LRP1B: variants seen among roughly 807,000 people sequenced by gnomAD.
LRP1B encodes low-density lipoprotein receptor-related protein 1B.
In LRP1B, 217 loss-of-function variants were observed where a neutral mutation model predicts 556.6. The ratio of observed to expected loss-of-function variants is 0.39; its 90% CI spans 0.35 to 0.44. The LOEUF is 0.44. Among genes scored for constraint, LRP1B ranks in the 20% least tolerant of loss-of-function variants. The pLI is 1.00. For missense variants in LRP1B, 5,053 were observed against 5,620.8 expected (o/e 0.90, Z 3.23); for synonymous variants, 2,047 against 1,865.8 (o/e 1.10, Z -2.50).
chr2:141,580,287 C>T (rs1045915195), intron 2 of LRP1B, among the ~76,000 whole-genome samples: 1 of 152,152 alleles, frequency 6.6e-6, no homozygotes, highest in African/African-American at 2.4e-5. Flanking sequence ...TCCTGGATTA[C>T]ATGATAAAGA....
rs1685479652 is a variant in LRP1B, at chr2:141,280,722, A to T, written c.344-26081T>A. On this transcript the variant is annotated intron_variant, in intron 3 of 90. Coordinates refer to ENST00000389484, the MANE Select transcript of LRP1B (RefSeq NM_018557.3). ...ACATTCCTAAATTTTCTAAATTTTG[A>T]TAATAAACATATAGTACTTAATAAT... Among the ~76,000 whole-genome samples the T allele has an allele frequency of 2.6e-5, 4 of 152,084 alleles. No homozygotes were observed. In the South Asian group the frequency reaches 8.3e-4, roughly 32 times the overall value.
chr2:140,935,150 A>G (rs1695166187), intron 20 of LRP1B, among the ~76,000 whole-genome samples: 1 of 152,150 alleles, frequency 6.6e-6, no homozygotes, highest in Non-Finnish European at 1.5e-5. Flanking sequence ...TCAAAGACCC[A>G]TTCAAAGAAA....
intron 15 of LRP1B, among the ~76,000 whole-genome samples, chr2:141,001,563 C>G (rs115772949): frequency 0.024 from 3,663 of 152,088 alleles, 52 homozygotes; most frequent in Non-Finnish European, 0.028. Flanking sequence ...AGTGAGAACA[C>G]GTGGTGCTTG....
At chr2:140,362,802 ATACTT>A (rs1332512765) in intron 72 of LRP1B, among the ~76,000 whole-genome samples, 4 of 151,840 alleles carry the variant, frequency 2.6e-5, no homozygotes, top group African/African-American at 4.8e-5. Flanking sequence ...ACAAATTACT[ATACTT>A]TATAGTATGT....
chr2:141,182,856 T>C (rs1342949561), intron 7 of LRP1B, among the ~76,000 whole-genome samples: 3 of 151,822 alleles, frequency 2.0e-5, no homozygotes, highest in African/African-American at 7.3e-5. Context: ...AGGGGGCTGT[T>C]TATCCTTAAA....
At chr2:142,088,802 C>T (rs531702504) in intron 1 of LRP1B, among the ~76,000 whole-genome samples, 3 of 151,696 alleles carry the variant, frequency 2.0e-5, no homozygotes, top group South Asian at 4.2e-4. Flanking sequence ...AGTGAAACCC[C>T]GTCTCTACTA....
intron 53 of LRP1B, among the ~76,000 whole-genome samples, chr2:140,503,950 C>A (rs922553672): frequency 6.6e-6 from 1 of 152,036 alleles, no homozygotes; most frequent in African/African-American, 2.4e-5. Context: ...AATGGTTAAA[C>A]TAGATAGTTC....
intron 77 of LRP1B, among the ~76,000 whole-genome samples, chr2:140,342,808 G>A (rs935890493): frequency 6.6e-6 from 1 of 151,524 alleles, no homozygotes; most frequent in African/African-American, 2.4e-5. Flanking sequence ...AGATACATCA[G>A]AAACATAAAT....
At chr2:141,648,457 T>C (rs1689663524) in intron 2 of LRP1B, among the ~76,000 whole-genome samples, 1 of 152,220 alleles carries the variant, frequency 6.6e-6, no homozygotes, top group African/African-American at 2.4e-5. Flanking sequence ...TCCCCTCCTT[T>C]TCCCAGGAGA....
chr2:141,828,080 C>T (rs947008841), intron 1 of LRP1B, among the ~76,000 whole-genome samples: 1 of 152,054 alleles, frequency 6.6e-6, no homozygotes, highest in African/African-American at 2.4e-5. Flanking sequence ...CTTCATTTGA[C>T]ACTTTGAAAT....
intron 58 of LRP1B, 109 bp downstream of exon 58, chr2:140,487,508 C>A (rs566931711): frequency 1.9e-5 from 20 of 1,036,716 alleles, no homozygotes; most frequent in Non-Finnish European, 2.9e-5. Context: ...ATTGAAACCA[C>A]CCTAATGCAT....
At chr2:140,958,170 A>G (rs1412425587) in intron 18 of LRP1B, among the ~76,000 whole-genome samples, 1 of 151,584 alleles carries the variant, frequency 6.6e-6, no homozygotes, top group African/African-American at 2.4e-5. Context: ...AAATCTGGTG[A>G]CTAAAATTCA....
chr2:141,437,800 C>A (rs1476792992), intron 3 of LRP1B, among the ~76,000 whole-genome samples: 1 of 151,772 alleles, frequency 6.6e-6, no homozygotes, highest in African/African-American at 2.4e-5. Flanking sequence ...TATGCCCATT[C>A]CAAGCATATT....
chr2:140,394,533 G>T (rs539859334), intron 66 of LRP1B, among the ~76,000 whole-genome samples: 26 of 152,158 alleles, frequency 1.7e-4, no homozygotes, highest in Non-Finnish European at 3.1e-4. Flanking sequence ...GGGACAGAAG[G>T]GCAAAGGAAG....
At chr2:141,277,456 G>C (rs2105380379) in intron 3 of LRP1B, among the ~76,000 whole-genome samples, 1 of 152,238 alleles carries the variant, frequency 6.6e-6, no homozygotes, top group Admixed American at 6.5e-5. Context: ...AAGTTCCACA[G>C]GTAGTTTAAT....
chr2:141,865,608 G>A (rs201578987), intron 1 of LRP1B, among the ~76,000 whole-genome samples: 282 of 126,752 alleles, frequency 2.2e-3, no homozygotes, highest in African/African-American at 3.4e-3. Flanking sequence ...AAAAAAAAAA[G>A]AAAAAAAAAA....
At chr2:141,847,797 G>T (rs1400044271) in intron 1 of LRP1B, among the ~76,000 whole-genome samples, 6 of 151,556 alleles carry the variant, frequency 4.0e-5, no homozygotes, top group Admixed American at 2.6e-4. Context: ...TTCCACCTAT[G>T]TGTGAAGGTT....
intron 43 of LRP1B, among the ~76,000 whole-genome samples, chr2:140,568,508 T>C (rs1681208983): frequency 6.6e-6 from 1 of 151,974 alleles, no homozygotes; most frequent in Admixed American, 6.6e-5. Flanking sequence ...TGAACAAATA[T>C]TTTCATTGTG....
Position 141,810,261 on chromosome 2 carries a change from G to A in LRP1B, c.205+18C>T. 6.2e-7 allele frequency: 1 copy of A among 1,612,056 alleles called. No individual in the cohort carries two copies. Among genetic ancestry groups the A allele is most frequent in the Non-Finnish European group, 8.5e-7 (1 of 1,178,682 alleles). On this transcript the variant is annotated intron_variant, in intron 2 of 90. Transcript: ENST00000389484. Reference sequence around the variant, plus strand: ...CATGTAAGGTAAATCCGAATGGCATGAGAACCTTTCTACTCACAGGTATCT... The same window carrying A: ...CATGTAAGGTAAATCCGAATGGCATAAGAACCTTTCTACTCACAGGTATCT...
Sources: allele counts gnomAD v4.1 joint callset (sites outside exome capture counted in the v4.1 genomes callset), GRCh38; gene constraint gnomAD v4.1.1; transcripts MANE v1.5; gene names NCBI Gene and HGNC (gene_info 2026-07-23, HGNC 2026-07-21).